Variants in RASEF observed in about 807,000 individuals in gnomAD.
The protein encoded by RASEF is RAS and EF-hand domain containing.
Under a neutral mutation model 90.1 loss-of-function variants are expected in RASEF, and 68 were observed. That is an observed-to-expected ratio of 0.75 (90% CI 0.62 to 0.92). RASEF has a LOEUF of 0.92. Among genes scored for constraint, RASEF ranks in the 40% least tolerant of loss-of-function variants. The probability of loss-of-function intolerance (pLI) is 0.00; values close to 1 mark genes in which losing one functional copy is unlikely to be tolerated. For missense variants in RASEF, 949 were observed against 937.2 expected (o/e 1.01, Z -0.16); for synonymous variants, 331 against 345.2 (o/e 0.96, Z 0.46).
At chr9:83,012,848 G>A (rs969181883) in intron 4 of RASEF, among the ~76,000 whole-genome samples, 5 of 151,940 alleles carry the variant, frequency 3.3e-5, no homozygotes, top group Admixed American at 2.0e-4. Context: ...ATTCTCCTTC[G>A]TATTATCTGC....
At chr9:83,107,647 A>G in the RASEF span, among the ~76,000 whole-genome samples, 2 of 152,342 alleles carry the variant, frequency 1.3e-5, no homozygotes, top group African/African-American at 2.4e-5. Flanking sequence ...TTTGTTTTAT[A>G]TACTTTAGGC....
the RASEF span, among the ~76,000 whole-genome samples, chr9:83,150,320 A>T: frequency 1.3e-5 from 2 of 152,082 alleles, no homozygotes; most frequent in Non-Finnish European, 2.9e-5. Context: ...TGGAGGTTGA[A>T]GTGTGGTACT....
intron 1 of RASEF, among the ~76,000 whole-genome samples, chr9:83,049,704 A>T (rs866256006): frequency 4.3e-5 from 1 of 23,262 alleles, no homozygotes; most frequent in African/African-American, 1.8e-4. Context: ...CCCCGACCCC[A>T]CCACAGTCCC....
chr9:83,038,136 A>T (rs1829776229), intron 1 of RASEF, among the ~76,000 whole-genome samples: 3 of 152,094 alleles, frequency 2.0e-5, no homozygotes, highest in African/African-American at 7.2e-5. Context: ...ATCATAAACG[A>T]ACACAACTTG....
At chr9:83,138,777 T>C in the RASEF span, among the ~76,000 whole-genome samples, 1 of 152,270 alleles carries the variant, frequency 6.6e-6, no homozygotes, top group South Asian at 2.1e-4. Context: ...AGATGTCACC[T>C]GCTATAAACA....
chr9:83,177,584 C>T, the RASEF span, among the ~76,000 whole-genome samples: 1 of 148,734 alleles, frequency 6.7e-6, no homozygotes. Context: ...AGATGCTAAT[C>T]TTATTGGATT....
At chr9:83,067,526 T>A (rs769315859), upstream of RASEF, among the ~76,000 whole-genome samples, 5 of 152,230 alleles carry the variant, frequency 3.3e-5, no homozygotes, top group Non-Finnish European at 5.9e-5. Flanking sequence ...AATGAAGCAT[T>A]AGAGACCCAG....
chr9:83,219,193 A>G, the RASEF span: 1 of 152,232 alleles, frequency 6.6e-6, no homozygotes, highest in African/African-American at 2.4e-5. Context: ...CCCCACTTGC[A>G]GGTCGGGCAC....
chr9:83,095,659 C>T, the RASEF span, among the ~76,000 whole-genome samples: 12 of 152,016 alleles, frequency 7.9e-5, no homozygotes, highest in South Asian at 2.5e-3. Context: ...ATATATTCCC[C>T]TTACAAAATA....
chr9:83,094,613 C>A, the RASEF span, among the ~76,000 whole-genome samples: 1 of 151,922 alleles, frequency 6.6e-6, no homozygotes, highest in African/African-American at 2.4e-5. Context: ...AAAAGCCAGG[C>A]GTACATAATA....
chr9:83,001,201 C>A, intron 9 of RASEF, 71 bp from the exon 10 acceptor site: 2 of 1,083,482 alleles, frequency 1.8e-6, no homozygotes. Context: ...CAATAGACCA[C>A]ATGCCATTAG....
intron 1 of RASEF, among the ~76,000 whole-genome samples, chr9:83,032,249 A>C (rs959578585): frequency 6.6e-6 from 1 of 151,926 alleles, no homozygotes; most frequent in African/African-American, 2.4e-5. Context: ...CACACACACA[A>C]CTCTGTTTTC....
the RASEF span, among the ~76,000 whole-genome samples, chr9:83,213,551 C>T: frequency 6.6e-6 from 1 of 152,014 alleles, no homozygotes; most frequent in African/African-American, 2.4e-5. Flanking sequence ...CCTGCAATTC[C>T]ATCTCAGACA....
At chr9:83,081,265 A>AT in the RASEF span, among the ~76,000 whole-genome samples, 1 of 152,218 alleles carries the variant, frequency 6.6e-6, no homozygotes, top group Non-Finnish European at 1.5e-5. Flanking sequence ...GAAACAGATG[A>AT]TTTGGACTTG....
the RASEF span, among the ~76,000 whole-genome samples, chr9:83,173,444 T>C: frequency 2.6e-5 from 4 of 151,794 alleles, no homozygotes; most frequent in Non-Finnish European, 5.9e-5. Context: ...TTTTTTCTCC[T>C]CTGACTGTGT....
the RASEF span, among the ~76,000 whole-genome samples, chr9:83,146,649 T>G: frequency 6.6e-6 from 1 of 152,172 alleles, no homozygotes; most frequent in African/African-American, 2.4e-5. Flanking sequence ...TGACCGAAAT[T>G]TTCAAACTAA....
the RASEF span, among the ~76,000 whole-genome samples, chr9:83,136,439 A>C: frequency 1.3e-5 from 2 of 152,168 alleles, no homozygotes; most frequent in African/African-American, 4.8e-5. Context: ...TAATGTGTAC[A>C]TATGACCTAT....
At chr9:83,187,001 C>G in the RASEF span, among the ~76,000 whole-genome samples, 4 of 152,052 alleles carry the variant, frequency 2.6e-5, no homozygotes, top group Admixed American at 6.5e-5. Context: ...CCTGTACACC[C>G]CAGGAGAAGA....
rs560200780 is a variant in RASEF, at chr9:82,999,407, C to CT, written c.1723+761dup. ...TAAAACCGCACCTCTCCCTAAACTT[C>CT]TTTTTTGTACCTTTTCCCTCCACTG... On this transcript the variant is annotated intron_variant, in intron 12 of 16. Coordinates refer to ENST00000376447, the MANE Select transcript of RASEF (RefSeq NM_152573.4). 7.9e-5 allele frequency among the ~76,000 whole-genome samples: 12 copies of CT among 152,172 alleles called. No homozygotes were observed. In the East Asian group the frequency reaches 2.3e-3, roughly 30 times the overall value.
Sources: gnomAD v4.1 joint callset for allele counts (sites outside exome capture counted in the v4.1 genomes callset) on GRCh38, gnomAD v4.1.1 for gene constraint, MANE v1.5 for transcripts, NCBI Gene and HGNC (gene_info 2026-07-23, HGNC 2026-07-21) for gene names.